The following POLA1 variants were observed in gnomAD, a reference collection of about 807,000 sequenced individuals.
POLA1 encodes DNA polymerase alpha 1, catalytic subunit.
In POLA1, 15 loss-of-function variants were observed where a neutral mutation model predicts 124.0. The observed-to-expected ratio is 0.12, with a 90% confidence interval of 0.08 to 0.19. POLA1 has a LOEUF of 0.19. Among genes scored for constraint, POLA1 ranks in the 10% least tolerant of loss-of-function variants. POLA1 has a pLI of 1.00. For missense variants in POLA1, 886 were observed against 1,103.4 expected (o/e 0.80, Z 2.79); for synonymous variants, 408 against 389.4 (o/e 1.05, Z -0.56).
intron 36 of POLA1, among the ~76,000 whole-genome samples, chrX:24,944,740 T>C (rs1355383724): frequency 3.2e-4 from 36 of 111,853 alleles, no homozygotes; most frequent in Non-Finnish European, 3.8e-5. Context: ...GGGTTAGCTA[T>C]GAAAACCTAG....
intron 34 of POLA1, among the ~76,000 whole-genome samples, chrX:24,870,166 T>C (rs1157295261): frequency 8.9e-6 from 1 of 111,921 alleles, no homozygotes; most frequent in Non-Finnish European, 1.9e-5. Flanking sequence ...CAGATAACTG[T>C]ACCCACATAG....
Position 24,955,174 on chromosome X carries a change from C to CT in POLA1, c.4261+24634dup, listed in dbSNP as rs778401687. Among the ~76,000 whole-genome samples, 526 of 87,718 alleles carry CT rather than the reference C, an allele frequency of 6.0e-3. 3 individuals carry two copies. Among genetic ancestry groups the CT allele is most frequent in the Non-Finnish European group, 7.6e-3 (328 of 43,199 alleles). The allele number at this position is 87,718 out of a possible 115,157, so 76.2% of individuals were successfully genotyped here. On this transcript the variant is annotated intron_variant, in intron 36 of 36. Transcript: ENST00000379068. ...TTTTTGGTTTTTTTTTTTTTCTTCT[C>CT]TTTTTTTTTGAGACAGTCTCACTCG...
intron 35 of POLA1, among the ~76,000 whole-genome samples, chrX:24,898,218 T>C (rs1361564914): frequency 8.9e-6 from 1 of 112,579 alleles, no homozygotes; most frequent in Non-Finnish European, 1.9e-5. Context: ...GGTATCTCTA[T>C]TTGATACATT....
intron 32 of POLA1, among the ~76,000 whole-genome samples, chrX:24,834,338 C>T (rs1004469804): frequency 1.8e-5 from 2 of 111,604 alleles, no homozygotes; most frequent in African/African-American, 3.3e-5. Flanking sequence ...ACCAAAGGCT[C>T]GGCTATTATT....
intron 4 of POLA1, among the ~76,000 whole-genome samples, chrX:24,708,988 G>A (rs1270706497): frequency 3.4e-5 from 3 of 88,679 alleles, no homozygotes; most frequent in Admixed American, 1.2e-4. Context: ...CTCACCTCCC[G>A]GACGGGGCGG....
chrX:24,871,170 A>G (rs986667951), intron 34 of POLA1, among the ~76,000 whole-genome samples: 3 of 112,251 alleles, frequency 2.7e-5, no homozygotes, highest in Non-Finnish European at 3.8e-5. Context: ...AACTTGATAG[A>G]ATATGCCATT....
intron 34 of POLA1, among the ~76,000 whole-genome samples, chrX:24,864,846 A>T (rs944358999): frequency 9.0e-6 from 1 of 110,762 alleles, no homozygotes; most frequent in Non-Finnish European, 1.9e-5. Context: ...TTTGTTCCCT[A>T]TAAGGTTGTA....
At chrX:24,772,557 G>A (rs2045059840) in intron 26 of POLA1, among the ~76,000 whole-genome samples, 1 of 109,626 alleles carries the variant, frequency 9.1e-6, no homozygotes, top group African/African-American at 3.3e-5. Flanking sequence ...TCCACCCTCC[G>A]AGAGGCCCCA....
At chrX:24,908,953 T>A (rs2047405867) in intron 35 of POLA1, among the ~76,000 whole-genome samples, 1 of 112,143 alleles carries the variant, frequency 8.9e-6, no homozygotes, top group African/African-American at 3.2e-5. Flanking sequence ...GGTATCTCAT[T>A]GTGGTTTTGA....
chrX:24,792,103 A>T, intron 26 of POLA1, among the ~76,000 whole-genome samples: 1 of 112,483 alleles, frequency 8.9e-6, no homozygotes, highest in African/African-American at 3.2e-5. Flanking sequence ...ATTAGAAATC[A>T]GGAGAAAGAC....
Position 24,725,713 on chromosome X carries a change from A to G in POLA1, c.1318-268A>G, listed in dbSNP as rs1048410053. ...CAAATAGTAGCAAATCATTTAATGC[A>G]TTAACATTGTAAAAAATTTTAAATT... On this transcript the variant is annotated intron_variant, in intron 12 of 36. Transcript: ENST00000379068. Among the ~76,000 whole-genome samples, 9 of 112,241 alleles carry G rather than the reference A, an allele frequency of 8.0e-5. No homozygotes were observed. In the East Asian group the frequency reaches 2.5e-3, roughly 31 times the overall value.
At chrX:24,946,362 T>C (rs2047960389) in intron 36 of POLA1, among the ~76,000 whole-genome samples, 1 of 111,695 alleles carries the variant, frequency 9.0e-6, no homozygotes, top group Admixed American at 9.5e-5. Flanking sequence ...TCTCTTGGGG[T>C]GCTCATCTCT....
chrX:24,786,527 G>A (rs927389084), intron 26 of POLA1, among the ~76,000 whole-genome samples: 1 of 107,276 alleles, frequency 9.3e-6, no homozygotes, highest in Non-Finnish European at 1.9e-5. Context: ...TTTATTTTTA[G>A]GGACAGGGTC....
At chrX:24,819,827 C>A (rs950609955) in intron 30 of POLA1, among the ~76,000 whole-genome samples, 1 of 110,816 alleles carries the variant, frequency 9.0e-6, no homozygotes, top group Admixed American at 9.7e-5. Flanking sequence ...CCCCGGCAGA[C>A]CCCAGTGTGT....
Position 24,712,080 on chromosome X carries a change from AT to A in POLA1, c.347-2465del, listed in dbSNP as rs748941380. Among the ~76,000 whole-genome samples the A allele has an allele frequency of 2.8e-4, 31 of 109,519 alleles. No individual in the cohort carries two copies. The East Asian group carries it at 6.3e-3, about 22-fold the overall frequency. On this transcript the variant is annotated intron_variant, in intron 4 of 36. Transcript: ENST00000379068. The stretch of plus-strand genomic sequence containing the variant: ...GCATTTCAGTGTGGTTTTCATTTGC[AT>A]TTTTTTTTGTTTGTTTGTTTTTGAG...
At chrX:24,937,665 C>T (rs1465011925) in intron 36 of POLA1, among the ~76,000 whole-genome samples, 1 of 111,668 alleles carries the variant, frequency 9.0e-6, no homozygotes, top group East Asian at 2.8e-4. Context: ...ATAGGCATCA[C>T]GTGGAAGCTT....
intron 36 of POLA1, among the ~76,000 whole-genome samples, chrX:24,972,107 T>A (rs1192151925): frequency 9.0e-6 from 1 of 110,555 alleles, no homozygotes; most frequent in Non-Finnish European, 1.9e-5. Flanking sequence ...TAGCTGGGAT[T>A]GCAGGTGCCT....
chrX:24,784,063 T>C (rs867570301), intron 26 of POLA1, among the ~76,000 whole-genome samples: 117 of 92,525 alleles, frequency 1.3e-3, no homozygotes, highest in African/African-American at 4.4e-3. Flanking sequence ...ATATTTCTTT[T>C]TTTTTTTTTT....
chrX:24,761,006 A>T (rs1043656183), intron 26 of POLA1, among the ~76,000 whole-genome samples: 1 of 111,884 alleles, frequency 8.9e-6, no homozygotes. Flanking sequence ...CAACATTAAA[A>T]TTTTTTCTTT....
Sources: gnomAD v4.1 joint callset for allele counts (sites outside exome capture counted in the v4.1 genomes callset) on GRCh38, gnomAD v4.1.1 for gene constraint, MANE v1.5 for transcripts, NCBI Gene and HGNC (gene_info 2026-07-23, HGNC 2026-07-21) for gene names.